Variants in ERBB4 observed in about 807,000 individuals in gnomAD.
ERBB4 encodes the protein erb-b2 receptor tyrosine kinase 4.
ERBB4 carries 42 observed loss-of-function variants against 158.0 expected under a neutral mutation model. The observed-to-expected ratio is 0.27, with a 90% CI of 0.21 to 0.34. The LOEUF (loss-of-function observed/expected upper bound fraction) is 0.34. Among genes scored for constraint, ERBB4 ranks in the 10% least tolerant of loss-of-function variants. The probability of loss-of-function intolerance (pLI) is 1.00; values close to 1 mark genes in which losing one functional copy is unlikely to be tolerated. For missense variants in ERBB4, 1,333 were observed against 1,624.1 expected, an observed-to-expected ratio of 0.82 and a Z score of 3.08; for synonymous variants, 583 against 558.7, an observed-to-expected ratio of 1.04 and a Z score of -0.61.
At chr2:212,107,238 G>A (rs1033261101) in intron 2 of ERBB4, among the ~76,000 whole-genome samples, 6 of 152,214 alleles carry the variant, frequency 3.9e-5, no homozygotes, top group Admixed American at 2.0e-4. Context: ...CACGGGGGCA[G>A]AGCTGCCCAA....
At chr2:211,986,529 G>A (rs542219072) in intron 2 of ERBB4, among the ~76,000 whole-genome samples, 1 of 152,276 alleles carries the variant, frequency 6.6e-6, no homozygotes, top group South Asian at 2.1e-4. Flanking sequence ...GTGAGAGGAA[G>A]CCTTACATCA....
chr2:211,823,802 C>T (rs1391083783), intron 3 of ERBB4, among the ~76,000 whole-genome samples: 4 of 151,898 alleles, frequency 2.6e-5, no homozygotes, highest in Admixed American at 1.3e-4. Context: ...ATGACTGGCA[C>T]GTGCTAAGCA....
chr2:212,387,886 C>G (rs951515970), intron 1 of ERBB4, among the ~76,000 whole-genome samples: 11 of 152,080 alleles, frequency 7.2e-5, no homozygotes, highest in African/African-American at 2.7e-4. Flanking sequence ...AAGATGGCTG[C>G]ATACATACTA....
chr2:212,269,955 TTTC>T (rs1404518429), intron 1 of ERBB4, among the ~76,000 whole-genome samples: 7 of 151,794 alleles, frequency 4.6e-5, no homozygotes, highest in Non-Finnish European at 8.8e-5. Context: ...CCGTAGTTTT[TTTC>T]TTTACTGTTG....
intron 1 of ERBB4, among the ~76,000 whole-genome samples, chr2:212,149,170 A>T (rs1229766487): frequency 4.4e-5 from 1 of 22,524 alleles, no homozygotes; most frequent in Non-Finnish European, 1.2e-4. Flanking sequence ...TATAATAATT[A>T]AAAAAAAATT....
chr2:211,413,242 G>A (rs1030658405), intron 25 of ERBB4, among the ~76,000 whole-genome samples: 7 of 143,938 alleles, frequency 4.9e-5, no homozygotes, highest in African/African-American at 1.8e-4. Flanking sequence ...GGTCAAGACT[G>A]CAGTGAACCA....
At chr2:211,625,013 G>A (rs959661267) in intron 17 of ERBB4, among the ~76,000 whole-genome samples, 9 of 151,470 alleles carry the variant, frequency 5.9e-5, no homozygotes, top group African/African-American at 2.2e-4. Context: ...ATTCAGTTAG[G>A]GGGAATGAAT....
At chr2:212,390,027 A>C (rs906424435) in intron 1 of ERBB4, among the ~76,000 whole-genome samples, 4 of 151,890 alleles carry the variant, frequency 2.6e-5, no homozygotes, top group African/African-American at 4.8e-5. Flanking sequence ...AGAGAGAGTA[A>C]ATGATTTTCC....
intron 1 of ERBB4, among the ~76,000 whole-genome samples, chr2:212,165,409 T>C (rs541223253): frequency 2.0e-5 from 3 of 151,782 alleles, no homozygotes; most frequent in Non-Finnish European, 4.4e-5. Flanking sequence ...GCCCTGAGGG[T>C]AATGAAAAAA....
At chr2:211,419,437 T>A (rs1381061665) in intron 25 of ERBB4, among the ~76,000 whole-genome samples, 1 of 152,060 alleles carries the variant, frequency 6.6e-6, no homozygotes, top group Admixed American at 6.5e-5. Flanking sequence ...ATGGCTATGG[T>A]CAAGAGAAAT....
chr2:211,880,551 A>G (rs539067048), intron 3 of ERBB4, among the ~76,000 whole-genome samples: 164 of 152,308 alleles, frequency 1.1e-3, no homozygotes, highest in African/African-American at 3.8e-3. Context: ...AAAACTATGC[A>G]CAGATTTCAA....
intron 12 of ERBB4, 46 bp from the exon 13 acceptor site, chr2:211,679,230 C>A: frequency 6.2e-7 from 1 of 1,606,258 alleles, no homozygotes; most frequent in South Asian, 1.1e-5. Flanking sequence ...AGGATTGTGT[C>A]AAAACTTAAA....
chr2:212,494,676 G>A (rs1396677449), intron 1 of ERBB4, among the ~76,000 whole-genome samples: 1 of 152,038 alleles, frequency 6.6e-6, no homozygotes, highest in East Asian at 1.9e-4. Context: ...AGTTCTCCAT[G>A]ACTGCTTTGT....
chr2:211,975,504 G>A (rs905094989), intron 2 of ERBB4, among the ~76,000 whole-genome samples: 3 of 152,036 alleles, frequency 2.0e-5, no homozygotes, highest in Non-Finnish European at 2.9e-5. Flanking sequence ...AAAGACATAT[G>A]GTTAAAAGAA....
At chr2:211,929,206 T>A (rs2080102178) in intron 3 of ERBB4, among the ~76,000 whole-genome samples, 1 of 151,208 alleles carries the variant, frequency 6.6e-6, no homozygotes, top group African/African-American at 2.4e-5. Context: ...GATACAAACA[T>A]AGAACTTGAC....
At chr2:211,528,870 A>C (rs1260641020) in intron 20 of ERBB4, among the ~76,000 whole-genome samples, 1 of 151,976 alleles carries the variant, frequency 6.6e-6, no homozygotes, top group Non-Finnish European at 1.5e-5. Context: ...ACTAAGAAGA[A>C]ATTTTACAGC....
chr2:211,864,797 C>T (rs969584767), intron 3 of ERBB4, among the ~76,000 whole-genome samples: 2 of 151,998 alleles, frequency 1.3e-5, no homozygotes, highest in East Asian at 1.9e-4. Flanking sequence ...AAAACCCCGT[C>T]GCTACTAAAA....
intron 17 of ERBB4, among the ~76,000 whole-genome samples, chr2:211,628,666 A>G (rs1204287162): frequency 6.6e-6 from 1 of 152,186 alleles, no homozygotes; most frequent in Non-Finnish European, 1.5e-5. Context: ...ATGATTTATA[A>G]TCCTTTGGGT....
chr2:212,347,776 G>A (rs1467635909), intron 1 of ERBB4, among the ~76,000 whole-genome samples: 1 of 152,028 alleles, frequency 6.6e-6, no homozygotes, highest in Non-Finnish European at 1.5e-5. Context: ...ACCTGAATAT[G>A]AGAGAAATAA....
Sources: allele counts gnomAD v4.1 joint callset (sites outside exome capture counted in the v4.1 genomes callset), GRCh38; gene constraint gnomAD v4.1.1; transcripts MANE v1.5; gene names NCBI Gene and HGNC (gene_info 2026-07-23, HGNC 2026-07-21).